ASTN2: variants seen among roughly 807,000 people sequenced by gnomAD.
ASTN2 encodes astrotactin-2.
In ASTN2, 54 loss-of-function variants were observed where a neutral mutation model predicts 139.8. The observed-to-expected ratio is 0.39, with a 90% CI of 0.31 to 0.48. The LOEUF is 0.48. Ranked by LOEUF, ASTN2 falls within the 20% of genes least tolerant of loss-of-function variation. The probability of loss-of-function intolerance (pLI) is 0.95; values close to 1 mark genes in which losing one functional copy is unlikely to be tolerated. For synonymous variants in ASTN2, 756 were observed against 719.5 expected, an observed-to-expected ratio of 1.05 and a Z score of -0.81; for missense variants, 1,565 against 1,725.1, an observed-to-expected ratio of 0.91 and a Z score of 1.64.
intron 6 of ASTN2, among the ~76,000 whole-genome samples, chr9:117,025,465 A>T (rs952938032): frequency 6.6e-6 from 1 of 152,090 alleles, no homozygotes; most frequent in African/African-American, 2.4e-5. Flanking sequence ...CTCTGCTTCC[A>T]TAGAAAGTCC....
intron 2 of ASTN2, among the ~76,000 whole-genome samples, chr9:117,288,284 G>T (rs1258780678): frequency 6.6e-6 from 1 of 152,176 alleles, no homozygotes; most frequent in Non-Finnish European, 1.5e-5. Context: ...TACAAAGCAT[G>T]ATGGCTCCAC....
chr9:117,295,815 C>A (rs1396686123), intron 1 of ASTN2, among the ~76,000 whole-genome samples: 1 of 151,780 alleles, frequency 6.6e-6, no homozygotes, highest in African/African-American at 2.4e-5. Context: ...AAAGACTCTC[C>A]CAGCTTGCAA....
intron 19 of ASTN2, among the ~76,000 whole-genome samples, chr9:116,533,044 G>T (rs1452612465): frequency 1.3e-5 from 2 of 152,090 alleles, no homozygotes; most frequent in East Asian, 3.9e-4. Context: ...ATTGAGCAGT[G>T]GTTTGTAGTT....
intron 19 of ASTN2, among the ~76,000 whole-genome samples, chr9:116,537,042 A>G (rs997582150): frequency 6.6e-6 from 1 of 152,124 alleles, no homozygotes; most frequent in Non-Finnish European, 1.5e-5. Flanking sequence ...TACCTACTCA[A>G]GCCTCAGCAA....
intron 3 of ASTN2, among the ~76,000 whole-genome samples, chr9:117,194,744 G>T (rs1831446599): frequency 6.6e-6 from 1 of 152,112 alleles, no homozygotes; most frequent in Non-Finnish European, 1.5e-5. Context: ...GATAAAGCTG[G>T]GTTCAAATTC....
rs370207055 is a variant in ASTN2 at position 116,956,158 on chromosome 9, C to T, written c.1889+19050G>A. ...TTGCCCAGGCTGGAGTGCAATGGCG[C>T]GATGTTGGCTCACCGCAACCTCTGC... On this transcript the variant is annotated intron_variant, in intron 10 of 22. Coordinates refer to ENST00000313400, the MANE Select transcript of ASTN2 (RefSeq NM_001365068.1). Among the ~76,000 whole-genome samples the T allele has an allele frequency of 2.0e-4, 29 of 142,314 alleles. No homozygotes were observed. In the East Asian group the frequency reaches 4.7e-3, roughly 23 times the overall value. 93.4% of individuals were successfully genotyped at this position (142,314 alleles called of 152,430 possible).
chr9:116,952,790 C>T (rs1284301189), intron 10 of ASTN2, among the ~76,000 whole-genome samples: 3 of 152,210 alleles, frequency 2.0e-5, no homozygotes, highest in South Asian at 2.1e-4. Flanking sequence ...GTTGGAGCTG[C>T]CTCCAAGCTC....
chr9:116,457,518 C>T (rs767342058), intron 20 of ASTN2, among the ~76,000 whole-genome samples: 6 of 152,002 alleles, frequency 3.9e-5, no homozygotes, highest in Non-Finnish European at 7.4e-5. Context: ...ATTCTAATAA[C>T]CCCATTTAAA....
intron 19 of ASTN2, among the ~76,000 whole-genome samples, chr9:116,579,496 AC>A (rs1194582838): frequency 6.6e-6 from 1 of 152,176 alleles, no homozygotes; most frequent in African/African-American, 2.4e-5. Context: ...ATTTTCTCTT[AC>A]CATCTTGCTG....
intron 19 of ASTN2, among the ~76,000 whole-genome samples, chr9:116,577,182 C>T (rs955449046): frequency 1.3e-5 from 2 of 152,116 alleles, no homozygotes; most frequent in Non-Finnish European, 1.5e-5. Flanking sequence ...TGCAGAACTA[C>T]AGTGACTTTC....
rs368376991 is a variant in ASTN2, at chr9:116,842,829, G to A, written c.2040+20754C>T. ...CAGCAGCTGCAGGCACCACCAGGGG[G>A]CCTGAGACTTCAGAGTGGAGGAGAC... is the stretch of plus-strand genomic sequence containing the variant. On this transcript the variant is annotated intron_variant, in intron 11 of 22. Transcript: ENST00000313400. 2.3e-3 allele frequency among the ~76,000 whole-genome samples: 345 copies of A among 152,048 alleles called. 2 individuals are homozygous for A. In the Middle Eastern group the frequency reaches 0.048, roughly 21 times the overall value.
chr9:116,468,007 G>C (rs1848702606), intron 20 of ASTN2, among the ~76,000 whole-genome samples: 1 of 152,108 alleles, frequency 6.6e-6, no homozygotes, highest in South Asian at 2.1e-4. Context: ...AAATTTCCAG[G>C]CTCTGGGAAA....
At chr9:117,101,734 T>G (rs890607819) in intron 4 of ASTN2, among the ~76,000 whole-genome samples, 5 of 152,222 alleles carry the variant, frequency 3.3e-5, no homozygotes, top group African/African-American at 9.7e-5. Flanking sequence ...GAGCCCAAAT[T>G]TGAATCTGAT....
chr9:116,766,761 C>T (rs568088701), intron 13 of ASTN2, among the ~76,000 whole-genome samples: 6 of 151,956 alleles, frequency 3.9e-5, no homozygotes, highest in East Asian at 1.9e-4. Context: ...TACACATAAA[C>T]GCACATACAT....
chr9:116,473,706 C>G (rs572226122), intron 20 of ASTN2, among the ~76,000 whole-genome samples: 78 of 152,250 alleles, frequency 5.1e-4, no homozygotes, highest in Admixed American at 1.2e-3. Context: ...GAGACCAGCC[C>G]AGCTGGGCCA....
intron 17 of ASTN2, among the ~76,000 whole-genome samples, chr9:116,650,719 T>A (rs1031864555): frequency 2.0e-5 from 3 of 152,164 alleles, no homozygotes; most frequent in Admixed American, 6.5e-5. Flanking sequence ...CATTTCCCTG[T>A]CTTCATTTCA....
At chr9:116,528,077 G>A (rs907637429) in intron 19 of ASTN2, among the ~76,000 whole-genome samples, 4 of 152,214 alleles carry the variant, frequency 2.6e-5, no homozygotes, top group African/African-American at 9.6e-5. Flanking sequence ...AACTTTGGAA[G>A]GGGGTAACAG....
chr9:116,937,500 T>C (rs1020410726), intron 10 of ASTN2, among the ~76,000 whole-genome samples: 1 of 152,212 alleles, frequency 6.6e-6, no homozygotes, highest in African/African-American at 2.4e-5. Context: ...CACTATCTAT[T>C]ATTTCTCTAC....
chr9:116,702,263 C>G (rs150479258), intron 16 of ASTN2, among the ~76,000 whole-genome samples: 183 of 151,944 alleles, frequency 1.2e-3, no homozygotes, highest in African/African-American at 4.2e-3. Flanking sequence ...CTGGAATATT[C>G]CATAAATGAT....
Sources: allele counts gnomAD v4.1 joint callset (sites outside exome capture counted in the v4.1 genomes callset), GRCh38; gene constraint gnomAD v4.1.1; transcripts MANE v1.5; gene names NCBI Gene and HGNC (gene_info 2026-07-23, HGNC 2026-07-21).